CPA5: variants seen among roughly 807,000 people sequenced by gnomAD.
CPA5 encodes the protein testicular tissue protein Li 32.
Under a neutral mutation model 52.2 loss-of-function variants are expected in CPA5, and 38 were observed. The observed-to-expected ratio is 0.73, with a 90% CI of 0.56 to 0.95. CPA5 has a LOEUF of 0.95. Ranked by LOEUF, CPA5 falls within the 40% of genes least tolerant of loss-of-function variation. The pLI, the probability that CPA5 is intolerant of heterozygous loss-of-function variation, is 0.00. For missense variants in CPA5, 519 were observed against 566.7 expected (o/e 0.92, Z 0.86); for synonymous variants, 198 against 213.7 (o/e 0.93, Z 0.64).
At chr7:130,366,098 T>C (rs1044633078) in intron 10 of CPA5, among the ~76,000 whole-genome samples, 1 of 152,212 alleles carries the variant, frequency 6.6e-6, no homozygotes, top group Admixed American at 6.5e-5. Context: ...GGTTTTGTTA[T>C]TGCCTTAATT....
chr7:130,367,273 G>A (rs1796141231), intron 10 of CPA5, 99 bp from the exon 11 acceptor site: 2 of 1,035,736 alleles, frequency 1.9e-6, no homozygotes, highest in East Asian at 2.5e-5. Context: ...TACTGCAAAG[G>A]AGGCTGGGAA....
intron 5 of CPA5, among the ~76,000 whole-genome samples, chr7:130,354,819 G>A (rs1326657088): frequency 1.3e-5 from 2 of 151,418 alleles, no homozygotes; most frequent in South Asian, 2.1e-4. Context: ...AGCCTTGAAC[G>A]CCTGGGCTCA....
Position 130,368,501 on chromosome 7 carries a change from C to T in CPA5, c.1215C>T (p.Gly405=). ...SFELRDTGQY[G]FLLPATQIIP... is the part of the protein sequence containing the mutation. The stretch of plus-strand genomic sequence containing the variant: ...AGCTCCGGGACACTGGGCAGTATGG[C>T]TTCCTGCTGCCGGCCACACAGATCA... Residue 405 remains glycine, a synonymous_variant, in exon 13 of 13, where the codon GGC becomes GGT. Transcript: ENST00000474905. 1.2e-6 allele frequency: 2 copies of T among 1,614,142 alleles called. No individual in the cohort carries two copies. The highest frequency in any genetic ancestry group is 1.7e-6 in the Non-Finnish European group (2 of 1,180,026).
chr7:130,351,763 G>T (rs1795158264), intron 5 of CPA5, among the ~76,000 whole-genome samples: 2 of 152,184 alleles, frequency 1.3e-5, no homozygotes, highest in Admixed American at 1.3e-4. Context: ...CTGGCGTCCA[G>T]TCTTGTATTT....
At position 130,362,542 on chromosome 7, in the gene CPA5, C is replaced by A. The variant is rs782615189; in HGVS notation, c.636+3C>A. The stretch of plus-strand genomic sequence containing the variant: ...CCGGCATCTGGACTGCCAATAAGGT[C>A]AGCATGGACCTGTAGCCAAGGTGCA... On this transcript the variant is annotated splice_donor_region_variant and intron_variant, in intron 8 of 12. Coordinates refer to ENST00000474905, the MANE Select transcript of CPA5 (RefSeq NM_080385.5). 3.1e-6 allele frequency: 5 copies of A among 1,608,226 alleles called. No homozygotes were observed. In the South Asian group the frequency reaches 5.5e-5, roughly 18 times the overall value.
chr7:130,372,952 CA>C (rs1554410085), downstream of CPA5, among the ~76,000 whole-genome samples: 1 of 152,174 alleles, frequency 6.6e-6, no homozygotes, highest in African/African-American at 2.4e-5. Context: ...GTTATGAAGA[CA>C]GGGGCCTCTG....
At chr7:130,366,549 T>C (rs1276622136) in intron 10 of CPA5, among the ~76,000 whole-genome samples, 2 of 152,194 alleles carry the variant, frequency 1.3e-5, no homozygotes, top group African/African-American at 4.8e-5. Flanking sequence ...CCTGCTCCTC[T>C]TTGTTCTCTC....
intron 10 of CPA5, 130 bp downstream of exon 10, chr7:130,363,639 G>T: frequency 1.3e-6 from 1 of 751,258 alleles, no homozygotes; most frequent in East Asian, 2.7e-5. Context: ...TAATATGCAT[G>T]AGTCACGGCC....
In CPA5 at chr7:130,367,547, G is replaced by T. The variant is rs17854248; in HGVS notation, c.1014G>T (p.Glu338Asp). The change falls in exon 11 of 13, where the codon GAG becomes GAT. Residue 338 changes from glutamate to aspartate, a missense_variant. By Grantham distance (45) the Glu-to-Asp change is conservative (BLOSUM62 2). Transcript: ENST00000474905. ...MLMYPYGRLL[E>D]PVSNQRELYD... Reference sequence around the variant, plus strand: ...TGTACCCTTACGGCCGATTGCTGGAGCCCGTTTCAAATCAGAGGGAGTTGG... The same window carrying T: ...TGTACCCTTACGGCCGATTGCTGGATCCCGTTTCAAATCAGAGGGAGTTGG... 0.19 allele frequency: 309,182 copies of T among 1,612,596 alleles called. 31,440 individuals carry two copies. The highest frequency in any genetic ancestry group is 0.21 in the Middle Eastern group (1,251 of 6,048).
intron 2 of CPA5, 80 bp from the exon 3 acceptor site, chr7:130,346,313 G>A (rs545232007): frequency 1.4e-5 from 7 of 504,776 alleles, no homozygotes; most frequent in South Asian, 1.0e-4. Context: ...GGTTGGGGAG[G>A]GGCAGCCCTA....
At position 130,362,432 on chromosome 7, in the gene CPA5, T is replaced by C. The variant is rs1554406917; in HGVS notation, c.535-6T>C. 1 of 1,606,992 alleles carries C rather than the reference T, an allele frequency of 6.2e-7. No individual in the cohort carries two copies. Among genetic ancestry groups the C allele is most frequent in the Admixed American group, 1.7e-5 (1 of 59,896 alleles). ...CCTCGGTTTGGGGCCCGATTCTTTT[T>C]CTCAGTTCAGCACTGGAGGTTCTCG... On this transcript the variant is annotated splice_region_variant and splice_polypyrimidine_tract_variant and intron_variant, in intron 7 of 12. Coordinates refer to ENST00000474905, the MANE Select transcript of CPA5 (RefSeq NM_080385.5).
chr7:130,359,195 C>A (rs782028248), intron 5 of CPA5, among the ~76,000 whole-genome samples: 1 of 152,206 alleles, frequency 6.6e-6, no homozygotes, highest in South Asian at 2.1e-4. Context: ...ACTGTGAGCA[C>A]CTTTTTTCCC....
intron 6 of CPA5, among the ~76,000 whole-genome samples, chr7:130,360,285 A>G (rs1227026817): frequency 6.6e-6 from 1 of 152,226 alleles, no homozygotes; most frequent in African/African-American, 2.4e-5. Flanking sequence ...CCTTGTGTTC[A>G]GTGGCCCCAG....
intron 11 of CPA5, 113 bp from the exon 12 acceptor site, chr7:130,367,793 C>A: frequency 2.0e-6 from 2 of 995,580 alleles, no homozygotes; most frequent in South Asian, 2.7e-5. Context: ...CCATCTCCAC[C>A]TTCAACTTCC....
chr7:130,363,491 T>A lies in CPA5; in HGVS notation c.820T>A (p.Trp274Arg). 1.3e-6 allele frequency: 2 copies of A among 1,586,276 alleles called. No homozygotes were observed. Residue 274 changes from tryptophan to arginine, a missense_variant, in exon 10 of 13, where the codon TGG (tryptophan) becomes AGG (arginine). Trp to Arg is a moderately radical substitution (Grantham distance 101). Transcript: ENST00000474905. ...FCIGVDLNRN[W>R]KSGFGGNGSN... Reference sequence around the variant, plus strand: ...CATCGGCGTGGATCTCAACAGGAACTGGAAGTCGGGTTTTGGAGGTATGGC... The same window carrying A: ...CATCGGCGTGGATCTCAACAGGAACAGGAAGTCGGGTTTTGGAGGTATGGC...
At chr7:130,373,140 A>T (rs975428007), downstream of CPA5, among the ~76,000 whole-genome samples, 3 of 152,202 alleles carry the variant, frequency 2.0e-5, no homozygotes, top group Admixed American at 6.5e-5. Context: ...AAGTTTATCA[A>T]ATAAAAGCTC....
intron 5 of CPA5, among the ~76,000 whole-genome samples, chr7:130,358,418 A>G (rs1554405744): frequency 8.5e-5 from 13 of 152,188 alleles, no homozygotes; most frequent in Non-Finnish European, 1.5e-5. Flanking sequence ...TTTGCCATTA[A>G]GTCCCTTTAC....
chr7:130,348,024 C>G (rs930006304), intron 4 of CPA5, among the ~76,000 whole-genome samples, 177 bp downstream of exon 4: 6 of 152,202 alleles, frequency 3.9e-5, no homozygotes, highest in Non-Finnish European at 7.3e-5. Context: ...AACACCTGCC[C>G]AGAAATTTGG....
intron 5 of CPA5, among the ~76,000 whole-genome samples, chr7:130,355,685 A>C (rs1554405028): frequency 6.6e-6 from 1 of 152,224 alleles, no homozygotes; most frequent in African/African-American, 2.4e-5. Context: ...CTGGGATTAC[A>C]GGTGTCAGCC....
Sources: gnomAD v4.1 joint callset for allele counts (sites outside exome capture counted in the v4.1 genomes callset) on GRCh38, gnomAD v4.1.1 for gene constraint, MANE v1.5 for transcripts, NCBI Gene and HGNC (gene_info 2026-07-23, HGNC 2026-07-21) for gene names.